Variants in SEMA3A observed in about 807,000 individuals in gnomAD.
The protein encoded by SEMA3A is semaphorin-3A.
In SEMA3A, 29 loss-of-function variants were observed where a neutral mutation model predicts 97.9. The ratio of observed to expected loss-of-function variants is 0.30; its 90% CI spans 0.22 to 0.40. SEMA3A has a LOEUF of 0.40. Ranked by LOEUF, SEMA3A falls within the 10% of genes least tolerant of loss-of-function variation. The probability of loss-of-function intolerance (pLI) is 1.00; values close to 1 mark genes in which losing one functional copy is unlikely to be tolerated. For missense variants in SEMA3A, 763 were observed against 951.3 expected (o/e 0.80, Z 2.60); for synonymous variants, 321 against 323.7 (o/e 0.99, Z 0.09).
chr7:84,177,719 A>G (rs1182855410), intron 1 of SEMA3A, among the ~76,000 whole-genome samples: 1 of 152,112 alleles, frequency 6.6e-6, no homozygotes, highest in African/African-American at 2.4e-5. Context: ...AAGAAACAGA[A>G]GTATTAACTG....
chr7:84,173,599 G>A (rs1257738212), intron 1 of SEMA3A, among the ~76,000 whole-genome samples: 2 of 149,074 alleles, frequency 1.3e-5, no homozygotes, highest in African/African-American at 5.0e-5. Context: ...AAAAATTGTT[G>A]TTTTACTTTT....
At chr7:84,307,748 C>A (rs1007447607) in intron 2 of SEMA3A, among the ~76,000 whole-genome samples, 2 of 152,108 alleles carry the variant, frequency 1.3e-5, no homozygotes, top group Admixed American at 1.3e-4. Flanking sequence ...CCGGATTTCA[C>A]TTTAACAAAA....
intron 3 of SEMA3A, among the ~76,000 whole-genome samples, chr7:84,296,185 A>G (rs1037780446): frequency 6.6e-6 from 1 of 152,084 alleles, no homozygotes; most frequent in African/African-American, 2.4e-5. Context: ...TAAAATATGA[A>G]CGTATTTTTT....
intron 1 of SEMA3A, among the ~76,000 whole-genome samples, chr7:84,378,613 T>C (rs1362638416): frequency 6.6e-6 from 1 of 152,074 alleles, no homozygotes; most frequent in Non-Finnish European, 1.5e-5. Flanking sequence ...ATGTAGATGA[T>C]GGGCTGATGG....
chr7:84,150,537 T>A, intron 1 of SEMA3A, among the ~76,000 whole-genome samples: 2 of 152,114 alleles, frequency 1.3e-5, no homozygotes, highest in East Asian at 3.9e-4. Flanking sequence ...TCCGACGGGC[T>A]TAAAAAACGG....
In SEMA3A at chr7:83,967,110, T is replaced by A. The variant is rs189405959; in HGVS notation, c.1718-3763A>T. 2.2e-3 allele frequency among the ~76,000 whole-genome samples: 337 copies of A among 152,306 alleles called. 2 individuals are homozygous for A. Among genetic ancestry groups the A allele is most frequent in the African/African-American group, 7.6e-3 (315 of 41,572 alleles). On this transcript the variant is annotated intron_variant, in intron 15 of 16. Coordinates refer to ENST00000265362, the MANE Select transcript of SEMA3A (RefSeq NM_006080.3). ...TCTGACTTAGGAACAGAACTTTTAT[T>A]TAAAATGGCCTCAGCCAAGCACCCA...
At chr7:83,965,934 C>T (rs1788678411) in intron 15 of SEMA3A, among the ~76,000 whole-genome samples, 1 of 150,728 alleles carries the variant, frequency 6.6e-6, no homozygotes, top group Non-Finnish European at 1.5e-5. Context: ...CCACCTCAGC[C>T]TCCCAAAGTG....
At chr7:84,301,711 T>C (rs1250961665) in intron 3 of SEMA3A, among the ~76,000 whole-genome samples, 1 of 152,168 alleles carries the variant, frequency 6.6e-6, no homozygotes, top group African/African-American at 2.4e-5. Flanking sequence ...AGCAGCTTGT[T>C]CATAAACGAA....
intron 4 of SEMA3A, among the ~76,000 whole-genome samples, chr7:84,109,427 T>C (rs1047777371): frequency 6.6e-6 from 1 of 152,250 alleles, no homozygotes; most frequent in South Asian, 2.1e-4. Flanking sequence ...CCCTGGTTCA[T>C]CAAGAAGAAA....
chr7:84,478,590 A>G (rs1469046750), intron 1 of SEMA3A, among the ~76,000 whole-genome samples: 2 of 152,064 alleles, frequency 1.3e-5, no homozygotes, highest in Non-Finnish European at 2.9e-5. Context: ...AACATCCAAA[A>G]GAGAAAATAT....
At chr7:84,065,222 G>C (rs367683776) in intron 4 of SEMA3A, among the ~76,000 whole-genome samples, 5 of 135,136 alleles carry the variant, frequency 3.7e-5, no homozygotes, top group Admixed American at 7.7e-5. Context: ...TGAAACCAAC[G>C]AGAACAAAGA....
intron 2 of SEMA3A, among the ~76,000 whole-genome samples, chr7:84,310,571 G>A (rs1801288619): frequency 6.6e-6 from 1 of 151,838 alleles, no homozygotes; most frequent in Admixed American, 6.6e-5. Flanking sequence ...TTTGATCCTG[G>A]TGTTCTCCTG....
At chr7:84,484,468 T>C (rs552008381) in intron 1 of SEMA3A, among the ~76,000 whole-genome samples, 1 of 152,192 alleles carries the variant, frequency 6.6e-6, no homozygotes, top group East Asian at 1.9e-4. Context: ...AACAAACCTA[T>C]CACTGTGGAG....
chr7:84,156,649 T>A (rs769233906), intron 1 of SEMA3A, among the ~76,000 whole-genome samples: 2 of 152,112 alleles, frequency 1.3e-5, no homozygotes, highest in Non-Finnish European at 2.9e-5. Context: ...CGAGTCTGTA[T>A]ACAGTGAAGA....
At chr7:84,165,856 C>A (rs953642732) in intron 1 of SEMA3A, among the ~76,000 whole-genome samples, 3 of 152,022 alleles carry the variant, frequency 2.0e-5, no homozygotes, top group African/African-American at 7.2e-5. Flanking sequence ...CCCGGCCTAC[C>A]AATACCTTCT....
At chr7:84,476,736 AATT>A (rs1401765238) in intron 1 of SEMA3A, among the ~76,000 whole-genome samples, 1 of 152,178 alleles carries the variant, frequency 6.6e-6, no homozygotes, top group Non-Finnish European at 1.5e-5. Flanking sequence ...AAAACGCACA[AATT>A]ATTGATTCCA....
At position 84,216,883 on chromosome 7, in the gene SEMA3A, C is replaced by T. The variant is rs180894757; in HGVS notation, c.-82-22215G>A. Among the ~76,000 whole-genome samples the T allele has an allele frequency of 1.2e-3, 177 of 152,058 alleles. 1 individual carries two copies. The highest frequency in any genetic ancestry group is 9.3e-3 in the Admixed American group (142 of 15,240). ...CTTCATTATGCTTTACTTAGCATTG[C>T]GCCTTGCAAGCCATTTTGGAAAAAT... On this transcript the variant is annotated intron_variant, in intron 3 of 3. Coordinates refer to the SEMA3A transcript ENST00000424555.
At chr7:84,105,060 C>G (rs143449290) in intron 4 of SEMA3A, among the ~76,000 whole-genome samples, 2 of 152,052 alleles carry the variant, frequency 1.3e-5, no homozygotes, top group Non-Finnish European at 2.9e-5. Flanking sequence ...CAATGAATCT[C>G]GACTTTTCTC....
In SEMA3A at chr7:83,960,061, A is replaced by C. The variant is rs1445073994; in HGVS notation, c.*1310T>G. 2 of 152,088 alleles carry C rather than the reference A, an allele frequency of 1.3e-5. No individual in the cohort carries two copies. The highest frequency in any genetic ancestry group is 2.9e-5 in the Non-Finnish European group (2 of 67,948). The allele number at this position is 152,088 out of a possible 1,614,324, so 9.4% of individuals were successfully genotyped here. On this transcript the variant is annotated 3_prime_UTR_variant, in exon 17 of 17. Coordinates refer to ENST00000265362, the MANE Select transcript of SEMA3A (RefSeq NM_006080.3). ...GTACAAATAATTGTCTTAAATAAGG[A>C]AAGGTAAGAGGCACCTGATACAGAT...
Sources: gnomAD v4.1 joint callset for allele counts (sites outside exome capture counted in the v4.1 genomes callset) on GRCh38, gnomAD v4.1.1 for gene constraint, MANE v1.5 for transcripts, NCBI Gene and HGNC (gene_info 2026-07-23, HGNC 2026-07-21) for gene names.